FYCO1: variants seen among roughly 807,000 people sequenced by gnomAD.
FYCO1 encodes the protein FYVE and coiled-coil domain autophagy adaptor 1.
A neutral mutation model predicts 165.1 loss-of-function variants in FYCO1; 122 were observed. The ratio of observed to expected loss-of-function variants is 0.74; its 90% CI spans 0.64 to 0.86. The LOEUF (loss-of-function observed/expected upper bound fraction) is 0.86. FYCO1 is among the 40% of genes least tolerant of loss of function. The pLI, the probability that FYCO1 is intolerant of heterozygous loss-of-function variation, is 0.00. For synonymous variants in FYCO1, 648 were observed against 742.5 expected, an observed-to-expected ratio of 0.87 and a Z score of 2.07; for missense variants, 1,702 against 1,810.3, an observed-to-expected ratio of 0.94 and a Z score of 1.09.
At chr3:45,985,504 A>G (rs1707266964) in intron 1 of FYCO1, among the ~76,000 whole-genome samples, 1 of 152,110 alleles carries the variant, frequency 6.6e-6, no homozygotes, top group African/African-American at 2.4e-5. Context: ...AGGCAGTGCT[A>G]GTTGGGGGAG....
chr3:45,991,586 C>T (rs1443328784), intron 1 of FYCO1, among the ~76,000 whole-genome samples: 1 of 152,156 alleles, frequency 6.6e-6, no homozygotes, highest in African/African-American at 2.4e-5. Context: ...GCTCATGCTC[C>T]CTACACCTTC....
chr3:45,964,702 G>T lies in FYCO1; in HGVS notation c.3151-248C>A. 3.9e-6 allele frequency: 1 copy of T among 259,692 alleles called. No individual in the cohort carries two copies. The highest frequency in any genetic ancestry group is 6.0e-6 in the Non-Finnish European group (1 of 166,210). 16.1% of individuals were successfully genotyped at this position (259,692 alleles called of 1,614,324 possible). A position where few individuals can be genotyped will look rare whatever the true frequency, so the allele number is the denominator to read the frequency against. On this transcript the variant is annotated intron_variant, in intron 9 of 17. Transcript: ENST00000296137. This position sits in a 1 kb window ranked among gnomAD's most constrained non-coding sequence, Gnocchi z 4.1. ...GGTAACACTGAAGGTAGGGGTGGCA[G>T]GGAGCAGGATTCACCTGAACAAGTC... is the stretch of plus-strand genomic sequence containing the variant.
intron 1 of FYCO1, among the ~76,000 whole-genome samples, chr3:45,986,721 G>A (rs1707334441): frequency 6.6e-6 from 1 of 152,136 alleles, no homozygotes; most frequent in Non-Finnish European, 1.5e-5. Context: ...ACCAAACTGA[G>A]GATGGGAGTG....
intron 1 of FYCO1, among the ~76,000 whole-genome samples, chr3:45,995,136 G>C (rs1157256736): frequency 7.5e-6 from 1 of 133,540 alleles, no homozygotes; most frequent in Non-Finnish European, 1.5e-5. Flanking sequence ...TTCGGGAAAA[G>C]ACCCCTGGGG....
chr3:45,936,804 T>C (rs1703918326), intron 14 of FYCO1, among the ~76,000 whole-genome samples: 1 of 152,100 alleles, frequency 6.6e-6, no homozygotes, highest in African/African-American at 2.4e-5. Context: ...AGATACCTCC[T>C]GCTATAGGAA....
chr3:45,923,628 G>A lies in FYCO1; in HGVS notation c.4361+28C>T, dbSNP rs75941183. ...AGAGGTGAAAGAGAGGCCTGGAGAC[G>A]TGGAGCTGGTGCCTGAGGTGGCCCT... is the stretch of plus-strand genomic sequence containing the variant. On this transcript the variant is annotated intron_variant, in intron 17 of 17. Coordinates refer to ENST00000296137, the MANE Select transcript of FYCO1 (RefSeq NM_024513.4). 142 of 1,392,404 alleles carry A rather than the reference G, an allele frequency of 1.0e-4. No individual in the cohort carries two copies. The African/African-American group carries it at 1.4e-3, about 14-fold the overall frequency. The allele number at this position is 1,392,404 out of a possible 1,614,324, so 86.3% of individuals were successfully genotyped here.
At chr3:45,926,475 C>A (rs895607833) in intron 16 of FYCO1, among the ~76,000 whole-genome samples, 4 of 152,094 alleles carry the variant, frequency 2.6e-5, no homozygotes, top group Non-Finnish European at 2.9e-5. Context: ...AACGTTTATG[C>A]CCCTAATGAC....
At position 45,962,713 on chromosome 3, in the gene FYCO1, G is replaced by C. The variant is rs954945413; in HGVS notation, c.3270-321C>G. On this transcript the variant is annotated intron_variant, in intron 10 of 17. Coordinates refer to ENST00000296137, the MANE Select transcript of FYCO1 (RefSeq NM_024513.4). The surrounding 1 kb of genome is among the most constrained non-coding windows in gnomAD (Gnocchi z 4.4). ...GCCTGATAGGCAAGGCTCATGGGCT[G>C]GTGATGGGGAGGATGGGCAGGAGGA... is the stretch of plus-strand genomic sequence containing the variant. 6.6e-6 allele frequency among the ~76,000 whole-genome samples: 1 copy of C among 152,230 alleles called. No individual in the cohort carries two copies. Among genetic ancestry groups the C allele is most frequent in the Non-Finnish European group, 1.5e-5 (1 of 68,040 alleles).
intron 16 of FYCO1, among the ~76,000 whole-genome samples, chr3:45,925,208 G>A (rs1433579910): frequency 1.3e-5 from 2 of 150,148 alleles, no homozygotes; most frequent in African/African-American, 2.4e-5. Flanking sequence ...GATTACAGGC[G>A]TGAGCCACGG....
At chr3:45,984,500 A>G (rs56972507) in intron 2 of FYCO1, 15,850 of 399,696 alleles carry the variant, frequency 0.04, 2,307 homozygotes, top group African/African-American at 0.3. Flanking sequence ...ATTCTTTTCC[A>G]AAGAAGCCAA....
At chr3:45,946,724 C>T (rs1704634898) in intron 14 of FYCO1, 4 of 1,614,248 alleles carry the variant, frequency 2.5e-6, no homozygotes, top group Non-Finnish European at 3.4e-6. Context: ...TGGTGTTTGT[C>T]TGCACTCTGC....
In FYCO1 at chr3:45,921,582, G is replaced by A. The variant is rs1330394685; in HGVS notation, c.*183C>T. 1.6e-6 allele frequency: 1 copy of A among 631,982 alleles called. No homozygotes were observed. The allele number at this position is 631,982 out of a possible 1,614,324, so 39.1% of individuals were successfully genotyped here. Reference sequence around the variant, plus strand: ...GCCTGAGCCCTTCAACGCCTCGGGGGCTAAGAGTGGCCGGTGCAGAGTGCT... The same window carrying A: ...GCCTGAGCCCTTCAACGCCTCGGGGACTAAGAGTGGCCGGTGCAGAGTGCT... On this transcript the variant is annotated 3_prime_UTR_variant, in exon 18 of 18. Transcript: ENST00000296137.
intron 14 of FYCO1, among the ~76,000 whole-genome samples, chr3:45,952,542 G>A (rs987979533): frequency 1.3e-5 from 2 of 152,188 alleles, no homozygotes; most frequent in African/African-American, 2.4e-5. Context: ...AGGGATTACA[G>A]GTTCCTATCA....
rs543296661 is a variant in FYCO1, at chr3:45,979,979, G to A, written c.163-149C>T. On this transcript the variant is annotated intron_variant, in intron 3 of 17. Transcript: ENST00000296137. Reference sequence around the variant, plus strand: ...TTATTTTTATTTATTGGCAAATCAAGGTGTGTTAATACCCTGTTCATACAG... The same window carrying A: ...TTATTTTTATTTATTGGCAAATCAAAGTGTGTTAATACCCTGTTCATACAG... 88 of 998,638 alleles carry A rather than the reference G, an allele frequency of 8.8e-5. No individual in the cohort carries two copies. In the East Asian group the frequency reaches 2.1e-3, roughly 23 times the overall value. 61.9% of individuals were successfully genotyped at this position (998,638 alleles called of 1,614,324 possible). A position where few individuals can be genotyped will look rare whatever the true frequency, so the allele number is the denominator to read the frequency against.
At position 45,929,348 on chromosome 3, in the gene FYCO1, C is replaced by A. The variant is rs570307030; in HGVS notation, c.4251+1723G>T. On this transcript the variant is annotated intron_variant, in intron 16 of 17. Transcript: ENST00000296137. ...GGTAGAGCCACACAGGAACCCCAGG[C>A]TGCTGAGGACTCGGTGGGTAGGGAC... 3.3e-5 allele frequency among the ~76,000 whole-genome samples: 5 copies of A among 152,306 alleles called. No homozygotes were observed. The East Asian group carries it at 9.6e-4, about 29-fold the overall frequency.
chr3:45,959,309 TCA>T, intron 12 of FYCO1, 82 bp downstream of exon 12: 2 of 1,467,258 alleles, frequency 1.4e-6, no homozygotes, highest in East Asian at 2.3e-5. Flanking sequence ...CCAACACCTA[TCA>T]CAGAGTCCTC....
chr3:45,967,214 C>G lies in FYCO1; in HGVS notation c.2120G>C (p.Gly707Ala). 6.2e-7 allele frequency: 1 copy of G among 1,614,054 alleles called. No homozygotes were observed. The stretch of plus-strand genomic sequence containing the variant: ...CTCCTCCCGCAGCTGCTGACACTCG[C>G]CCTCCTTGCTCTGTAGAATGGCCTC... ...EKEAILQSKE[G>A]ECQQLREEVE... is the part of the protein sequence containing the mutation. Residue 707 changes from glycine to alanine, a missense_variant, in exon 8 of 18, where the codon GGC becomes GCC. Gly to Ala is a moderately conservative substitution (Grantham distance 60). Coordinates refer to ENST00000296137, the MANE Select transcript of FYCO1 (RefSeq NM_024513.4).
chr3:45,985,422 C>T (rs150036524), intron 1 of FYCO1, among the ~76,000 whole-genome samples: 30 of 152,338 alleles, frequency 2.0e-4, no homozygotes, highest in African/African-American at 6.7e-4. Flanking sequence ...GCCTAAGGAT[C>T]CCCATCTCCC....
intron 14 of FYCO1, chr3:45,947,629 ACT>A (rs1435459669): frequency 2.6e-6 from 2 of 768,360 alleles, no homozygotes; most frequent in Non-Finnish European, 2.2e-6. Context: ...GTTATCAGAC[ACT>A]CTGGCTGGTT....
Sources: allele counts gnomAD v4.1 joint callset (sites outside exome capture counted in the v4.1 genomes callset), GRCh38; gene constraint gnomAD v4.1.1; non-coding constraint Gnocchi (gnomAD v3.1); transcripts MANE v1.5; gene names NCBI Gene and HGNC (gene_info 2026-07-23, HGNC 2026-07-21).